The following DNAJB4 variants were observed in gnomAD, a reference collection of about 807,000 sequenced individuals.
DNAJB4 encodes the protein DnaJ heat shock protein family (Hsp40) member B4.
Under a neutral mutation model 26.6 loss-of-function variants are expected in DNAJB4, and 10 were observed. The ratio of observed to expected loss-of-function variants is 0.38; its 90% CI spans 0.23 to 0.64. The LOEUF (loss-of-function observed/expected upper bound fraction) is 0.64. Among genes scored for constraint, DNAJB4 ranks in the 30% least tolerant of loss-of-function variants. The pLI is 0.58. For missense variants in DNAJB4, 328 were observed against 408.2 expected, an observed-to-expected ratio of 0.80 and a Z score of 1.69; for synonymous variants, 136 against 134.8, an observed-to-expected ratio of 1.01 and a Z score of -0.06.
chr1:77,992,184 C>T (rs994373212), intron 1 of DNAJB4, among the ~76,000 whole-genome samples: 4 of 151,896 alleles, frequency 2.6e-5, no homozygotes, highest in African/African-American at 7.2e-5. Flanking sequence ...GAGGCCGAGG[C>T]GGGCGGATCA....
chr1:78,012,995 GTTTAAC>G, intron 1 of DNAJB4, 50 bp from the exon 2 acceptor site: 1 of 1,467,912 alleles, frequency 6.8e-7, no homozygotes, highest in Non-Finnish European at 9.1e-7. Context: ...GTTTTTGAAA[GTTTAAC>G]TTTTAAGAGT....
intron 1 of DNAJB4, among the ~76,000 whole-genome samples, chr1:77,986,256 A>G (rs368283013): frequency 6.6e-6 from 1 of 152,194 alleles, no homozygotes; most frequent in South Asian, 2.1e-4. Context: ...AGTGCATAAA[A>G]TAATGTGTGC....
chr1:78,007,603 A>G (rs1660363016), intron 1 of DNAJB4, among the ~76,000 whole-genome samples: 1 of 152,204 alleles, frequency 6.6e-6, no homozygotes, highest in East Asian at 1.9e-4. Flanking sequence ...GGAAAAAAAG[A>G]AAATACAATT....
upstream of DNAJB4, among the ~76,000 whole-genome samples, chr1:78,001,400 C>T (rs116061056): frequency 0.047 from 7,178 of 151,532 alleles, 225 homozygotes; most frequent in East Asian, 0.11. Flanking sequence ...TAAATATTGC[C>T]AGGAAAAGTT....
chr1:78,013,359 G>C lies in DNAJB4; in HGVS notation c.520G>C (p.Gly174Arg). The change falls in exon 2 of 3, where the codon GGT (glycine) becomes CGT (arginine). Residue 174 changes from glycine to arginine, a missense_variant. Coordinates refer to ENST00000370763, the MANE Select transcript of DNAJB4 (RefSeq NM_007034.5). ...LRVSLEEIYS[G>R]CTKRMKISRK... ...AGTATCACTTGAAGAGATATATAGT[G>C]GTTGTACCAAACGGATGAAGATTTC... The C allele has an allele frequency of 6.2e-7, 1 of 1,614,108 alleles. No individual in the cohort carries two copies. Among genetic ancestry groups the C allele is most frequent in the Non-Finnish European group, 8.5e-7 (1 of 1,180,024 alleles).
intron 1 of DNAJB4, among the ~76,000 whole-genome samples, chr1:78,007,659 C>G (rs767400941): frequency 6.6e-6 from 1 of 152,180 alleles, no homozygotes; most frequent in Admixed American, 6.5e-5. Flanking sequence ...TCTTCCTTCA[C>G]AGGAAAGTAT....
In DNAJB4 at chr1:78,005,177, G is replaced by A. The variant is rs1395904126; in HGVS notation, c.67G>A (p.Ala23Thr). The A allele has an allele frequency of 6.2e-7, 1 of 1,614,122 alleles. No homozygotes were observed. The highest frequency in any genetic ancestry group is 8.5e-7 in the Non-Finnish European group (1 of 1,179,998). ...KGASDEDIKK[A>T]YRKQALKFHP... is the part of the protein sequence containing the mutation. ...AGCTTCAGATGAAGATATTAAAAAG[G>A]CTTACCGAAAACAAGCCCTCAAATT... Residue 23 changes from alanine to threonine, a missense_variant, in exon 1 of 3, where the codon GCT becomes ACT. Ala to Thr is a moderately conservative substitution (Grantham distance 58). Coordinates refer to ENST00000370763, the MANE Select transcript of DNAJB4 (RefSeq NM_007034.5).
chr1:78,005,032 TC>T lies in DNAJB4; in HGVS notation c.-78del. On this transcript the variant is annotated 5_prime_UTR_variant, in exon 1 of 3. Transcript: ENST00000370763. Reference sequence around the variant, plus strand: ...TAAAATACCCAGCTTGGTTTATTTTTCTTAGAATCTGTTGCTAAGACTGGGG... The same window carrying T: ...TAAAATACCCAGCTTGGTTTATTTTTTTAGAATCTGTTGCTAAGACTGGGG... 1 of 1,434,036 alleles carries T rather than the reference TC, an allele frequency of 7.0e-7. No homozygotes were observed. Among genetic ancestry groups the T allele is most frequent in the South Asian group, 1.3e-5 (1 of 78,494 alleles). 88.8% of individuals were successfully genotyped at this position (1,434,036 alleles called of 1,614,324 possible).
upstream of DNAJB4, chr1:77,979,202 G>A (rs111774384): frequency 5.2e-6 from 3 of 578,028 alleles, no homozygotes; most frequent in Non-Finnish European, 9.2e-6. Flanking sequence ...GGCTGAGAAA[G>A]AACGACAGGA....
chr1:78,002,304 A>G (rs956796651), upstream of DNAJB4, among the ~76,000 whole-genome samples: 1 of 152,130 alleles, frequency 6.6e-6, no homozygotes, highest in East Asian at 1.9e-4. Context: ...AAATTGCCGC[A>G]TTCATATCAT....
At chr1:77,981,513 C>T (rs898909338) in intron 1 of DNAJB4, among the ~76,000 whole-genome samples, 1 of 152,080 alleles carries the variant, frequency 6.6e-6, no homozygotes, top group Non-Finnish European at 1.5e-5. Context: ...AGTGTTTCAC[C>T]ATGTTGGCCA....
intron 1 of DNAJB4, among the ~76,000 whole-genome samples, chr1:77,993,940 C>CG (rs1553134014): frequency 1.3e-5 from 2 of 152,174 alleles, no homozygotes; most frequent in Non-Finnish European, 1.5e-5. Context: ...ATAGGACATA[C>CG]GGGCTTATTT....
intron 1 of DNAJB4, among the ~76,000 whole-genome samples, chr1:77,998,201 A>C (rs1387310971): frequency 6.6e-6 from 1 of 152,210 alleles, no homozygotes; most frequent in African/African-American, 2.4e-5. Context: ...AACAGCACCT[A>C]AAATAGTGTG....
rs376353018 is a variant in DNAJB4, at chr1:78,005,091, T to G, written c.-20T>G. ...TTTCTTTTACAAAGGGAAATCTAAG[T>G]TAATTTCAAGGCATTCGAAATGGGG... On this transcript the variant is annotated 5_prime_UTR_variant, in exon 1 of 3. Coordinates refer to ENST00000370763, the MANE Select transcript of DNAJB4 (RefSeq NM_007034.5). 6.2e-7 allele frequency: 1 copy of G among 1,604,314 alleles called. No homozygotes were observed. Among genetic ancestry groups the G allele is most frequent in the Non-Finnish European group, 8.5e-7 (1 of 1,175,916 alleles).
rs538981834 is a variant in DNAJB4 at position 78,016,643 on chromosome 1, C to T, written c.*396C>T. On this transcript the variant is annotated 3_prime_UTR_variant, in exon 3 of 3. Coordinates refer to ENST00000370763, the MANE Select transcript of DNAJB4 (RefSeq NM_007034.5). ...AATGAAAATTCTTAACTAAACTATACATGTAATATGTATTTCTAGAAGAGA... is the reference window on the plus strand; with the variant it reads ...AATGAAAATTCTTAACTAAACTATATATGTAATATGTATTTCTAGAAGAGA... 402 of 167,616 alleles carry T rather than the reference C, an allele frequency of 2.4e-3. 1 individual carries two copies. Among genetic ancestry groups the T allele is most frequent in the Non-Finnish European group, 3.3e-3 (255 of 78,378 alleles). The allele number at this position is 167,616 out of a possible 1,614,324, so 10.4% of individuals were successfully genotyped here.
At chr1:77,983,300 G>A (rs913387368) in intron 1 of DNAJB4, among the ~76,000 whole-genome samples, 1 of 152,182 alleles carries the variant, frequency 6.6e-6, no homozygotes, top group African/African-American at 2.4e-5. Flanking sequence ...ATACAATCGG[G>A]TTTTATACCG....
At chr1:77,992,605 C>G (rs1301550877) in intron 1 of DNAJB4, 1 of 152,134 alleles carries the variant, frequency 6.6e-6, no homozygotes, top group Non-Finnish European at 1.5e-5. Context: ...ACATGCCACC[C>G]TTTTTGATAA....
chr1:78,004,100 A>C (rs1436035796), upstream of DNAJB4, among the ~76,000 whole-genome samples: 1 of 152,208 alleles, frequency 6.6e-6, no homozygotes, highest in Non-Finnish European at 1.5e-5. Flanking sequence ...GAACATGAGT[A>C]TGTACTGTCT....
chr1:78,002,373 A>G (rs1660212932), upstream of DNAJB4, among the ~76,000 whole-genome samples: 1 of 152,124 alleles, frequency 6.6e-6, no homozygotes, highest in South Asian at 2.1e-4. Context: ...TGGATTTTCA[A>G]CTCCTAGGTA....
Sources: gnomAD v4.1 joint callset for allele counts (sites outside exome capture counted in the v4.1 genomes callset) on GRCh38, gnomAD v4.1.1 for gene constraint, MANE v1.5 for transcripts, NCBI Gene and HGNC (gene_info 2026-07-23, HGNC 2026-07-21) for gene names.